Variants in SLC44A3 observed in about 807,000 individuals in gnomAD.
The protein encoded by SLC44A3 is solute carrier family 44 member 3.
SLC44A3 carries 74 observed loss-of-function variants against 75.4 expected under a neutral mutation model. The ratio of observed to expected loss-of-function variants is 0.98; its 90% CI spans 0.81 to 1.19. The LOEUF is 1.19. SLC44A3 is among the 50% of genes most tolerant of loss of function. SLC44A3 has a pLI of 0.00. For missense variants in SLC44A3, 700 were observed against 778.6 expected, an observed-to-expected ratio of 0.90 and a Z score of 1.20; for synonymous variants, 310 against 296.9, an observed-to-expected ratio of 1.04 and a Z score of -0.45.
chr1:94,853,747 C>G (rs1665507038), intron 9 of SLC44A3, among the ~76,000 whole-genome samples: 1 of 151,850 alleles, frequency 6.6e-6, no homozygotes, highest in South Asian at 2.1e-4. Context: ...GAAGGAAGCT[C>G]TTGAAGGTTG....
chr1:94,821,472 C>T (rs1660578631), intron 2 of SLC44A3, among the ~76,000 whole-genome samples: 1 of 152,144 alleles, frequency 6.6e-6, no homozygotes, highest in African/African-American at 2.4e-5. Flanking sequence ...TTTCCTTTAG[C>T]TGAACATCAC....
At chr1:94,887,332 C>T (rs1669690651) in intron 12 of SLC44A3, among the ~76,000 whole-genome samples, 1 of 150,226 alleles carries the variant, frequency 6.7e-6, no homozygotes, top group African/African-American at 2.4e-5. Flanking sequence ...TGATTCCTCC[C>T]TCCTCCCCCT....
chr1:94,894,051 C>A (rs547191503), intron 14 of SLC44A3, among the ~76,000 whole-genome samples: 2 of 151,904 alleles, frequency 1.3e-5, no homozygotes, highest in Non-Finnish European at 2.9e-5. Flanking sequence ...GCTGAGATGG[C>A]GCCATTGCAC....
chr1:94,865,350 A>G (rs1158408676), intron 11 of SLC44A3, among the ~76,000 whole-genome samples: 2 of 152,112 alleles, frequency 1.3e-5, no homozygotes, highest in African/African-American at 2.4e-5. Context: ...TGTTTCCTAG[A>G]GACAGTCATG....
At chr1:94,833,114 C>G (rs985463133) in intron 5 of SLC44A3, among the ~76,000 whole-genome samples, 18 of 152,148 alleles carry the variant, frequency 1.2e-4, no homozygotes, top group African/African-American at 3.9e-4. Flanking sequence ...GTCAGCCTCC[C>G]TTCTCCTCTG....
In SLC44A3 at chr1:94,827,573, C is replaced by T. The variant is rs1661540520; in HGVS notation, c.345C>T (p.Leu115=). 2 of 1,614,108 alleles carry T rather than the reference C, an allele frequency of 1.2e-6. No individual in the cohort carries two copies. Among genetic ancestry groups the T allele is most frequent in the Admixed American group, 3.3e-5 (2 of 60,012 alleles). ...GTACGCAGCTCAACCGCATGGCCCT[C>T]TGTGTATCCAACTGCCCTGAAGAGC... ...VKGTQLNRMA[L]CVSNCPEEQL... The change falls in exon 4 of 15, where the codon CTC becomes CTT. Residue 115 remains leucine, a synonymous_variant. Coordinates refer to ENST00000271227, the MANE Select transcript of SLC44A3 (RefSeq NM_001114106.3).
chr1:94,828,094 CA>C (rs1427737135), intron 4 of SLC44A3, among the ~76,000 whole-genome samples: 1 of 152,190 alleles, frequency 6.6e-6, no homozygotes, highest in East Asian at 1.9e-4. Flanking sequence ...TGGGATGTCA[CA>C]AGTTGTACCA....
chr1:94,825,977 A>G (rs1661281583), intron 3 of SLC44A3: 2 of 454,064 alleles, frequency 4.4e-6, no homozygotes, highest in Non-Finnish European at 8.9e-6. Context: ...AAAAGCCAAA[A>G]GGTAGAAGCA....
chr1:94,848,578 T>C (rs1664763457), intron 9 of SLC44A3, among the ~76,000 whole-genome samples: 1 of 152,224 alleles, frequency 6.6e-6, no homozygotes, highest in African/African-American at 2.4e-5. Flanking sequence ...GGGAACTGTG[T>C]CTGTGGCTAG....
At chr1:94,829,212 G>A (rs1571173299) in intron 5 of SLC44A3, among the ~76,000 whole-genome samples, 1 of 152,078 alleles carries the variant, frequency 6.6e-6, no homozygotes, top group Admixed American at 6.6e-5. Flanking sequence ...GAACCCAGAA[G>A]GTGGAGGTTG....
intron 12 of SLC44A3, among the ~76,000 whole-genome samples, chr1:94,881,444 C>T (rs1024526858): frequency 3.9e-5 from 6 of 152,200 alleles, no homozygotes; most frequent in Non-Finnish European, 5.9e-5. Context: ...GTGGCTGATG[C>T]CTGTAATCCC....
At chr1:94,883,396 G>A (rs891797099) in intron 12 of SLC44A3, among the ~76,000 whole-genome samples, 2 of 152,086 alleles carry the variant, frequency 1.3e-5, no homozygotes, top group Non-Finnish European at 2.9e-5. Flanking sequence ...CCAGCTACTC[G>A]GGAGGCTGAA....
At position 94,832,668 on chromosome 1, in the gene SLC44A3, T is replaced by G. The variant is rs901869444; in HGVS notation, c.509+4082T>G. Among the ~76,000 whole-genome samples, 44 of 152,306 alleles carry G rather than the reference T, an allele frequency of 2.9e-4. 1 individual carries two copies. The South Asian group carries it at 8.9e-3, about 31-fold the overall frequency. ...TTAAGTTGCAACAGACACTTTCAAT[T>G]CAATAATTAAAATGTTCAGCCCAGA... is the stretch of plus-strand genomic sequence containing the variant. On this transcript the variant is annotated intron_variant, in intron 5 of 14. Transcript: ENST00000271227.
chr1:94,828,387 G>T, intron 4 of SLC44A3, 106 bp from the exon 5 acceptor site: 2 of 857,418 alleles, frequency 2.3e-6, no homozygotes, highest in Non-Finnish European at 3.7e-6. Flanking sequence ...GTCACCCATA[G>T]ACCTTGTAGT....
intron 12 of SLC44A3, among the ~76,000 whole-genome samples, chr1:94,884,461 ACT>A (rs1202526282): frequency 9.9e-5 from 15 of 152,082 alleles, no homozygotes; most frequent in Non-Finnish European, 2.9e-5. Flanking sequence ...CTCGGATTTC[ACT>A]GTATTTTTTT....
At chr1:94,835,207 T>C (rs910274554) in intron 5 of SLC44A3, among the ~76,000 whole-genome samples, 3 of 152,182 alleles carry the variant, frequency 2.0e-5, no homozygotes, top group Admixed American at 2.0e-4. Context: ...CCCAACACTT[T>C]GAGAGGCAGA....
In SLC44A3 at chr1:94,838,367, G is replaced by A. The variant is rs17112470; in HGVS notation, c.670+496G>A. 0.012 allele frequency among the ~76,000 whole-genome samples: 1,789 copies of A among 152,330 alleles called. 79 individuals carry two copies. The East Asian group carries it at 0.15, about 13-fold the overall frequency. Reference sequence around the variant, plus strand: ...CCTCTAAGGGACATACCTGCTTTGGGTTGTAGACAGGTCAAGGCCTTCAGC... The same window carrying A: ...CCTCTAAGGGACATACCTGCTTTGGATTGTAGACAGGTCAAGGCCTTCAGC... On this transcript the variant is annotated intron_variant, in intron 6 of 14. Coordinates refer to ENST00000271227, the MANE Select transcript of SLC44A3 (RefSeq NM_001114106.3).
At chr1:94,843,879 G>T (rs530983518) in intron 8 of SLC44A3, among the ~76,000 whole-genome samples, 21 of 150,800 alleles carry the variant, frequency 1.4e-4, no homozygotes, top group Non-Finnish European at 2.2e-4. Flanking sequence ...GGGGCGGGGT[G>T]GGGGGGGTGG....
At chr1:94,844,602 T>C (rs965669357) in intron 8 of SLC44A3, among the ~76,000 whole-genome samples, 1 of 152,208 alleles carries the variant, frequency 6.6e-6, no homozygotes, top group Non-Finnish European at 1.5e-5. Context: ...CTGGAATGTT[T>C]CCATGGCATT....
Sources: allele counts gnomAD v4.1 joint callset (sites outside exome capture counted in the v4.1 genomes callset), GRCh38; gene constraint gnomAD v4.1.1; transcripts MANE v1.5; gene names NCBI Gene and HGNC (gene_info 2026-07-23, HGNC 2026-07-21).